Variants in SATB1 observed in about 807,000 individuals in gnomAD.
The protein encoded by SATB1 is DNA-binding protein SATB1.
A neutral mutation model predicts 86.9 loss-of-function variants in SATB1; 11 were observed. That is an observed-to-expected ratio of 0.13 (90% CI 0.08 to 0.21). SATB1 has a LOEUF of 0.21. Among genes scored for constraint, SATB1 ranks in the 10% least tolerant of loss-of-function variants. SATB1 has a pLI of 1.00. For missense variants in SATB1, 551 were observed against 937.6 expected (o/e 0.59, Z 5.39); for synonymous variants, 357 against 357.2 (o/e 1.00, Z 0.01).
upstream of SATB1, among the ~76,000 whole-genome samples, chr3:18,443,006 AC>A (rs1048081714): frequency 2.0e-5 from 3 of 152,228 alleles, no homozygotes; most frequent in Admixed American, 6.5e-5. This position sits in a 1 kb window ranked among gnomAD's most constrained non-coding sequence, Gnocchi z 4.4. Context: ...AAACACCTCA[AC>A]CTTGGTTTTC....
At chr3:18,385,457 C>A (rs945353692) in intron 8 of SATB1, among the ~76,000 whole-genome samples, 4 of 151,936 alleles carry the variant, frequency 2.6e-5, no homozygotes, top group African/African-American at 4.8e-5. Flanking sequence ...CCCGTCTCTA[C>A]TAAAAACACA....
upstream of SATB1, among the ~76,000 whole-genome samples, chr3:18,442,540 T>C (rs1040933556): frequency 2.6e-5 from 4 of 152,194 alleles, no homozygotes; most frequent in Admixed American, 2.6e-4. Context: ...ATAGAATACA[T>C]AGTTTGCTAC....
intron 5 of SATB1, among the ~76,000 whole-genome samples, chr3:18,406,095 C>T (rs1379857088): frequency 6.6e-6 from 1 of 151,950 alleles, no homozygotes; most frequent in Non-Finnish European, 1.5e-5. Context: ...GTTTTCCAGG[C>T]TGAGCTGGTG....
At chr3:18,425,824 G>GGGGCAGGACGGGCAGGAC (rs199730219), upstream of SATB1, among the ~76,000 whole-genome samples, 4 of 141,186 alleles carry the variant, frequency 2.8e-5, no homozygotes, top group South Asian at 2.3e-4. Flanking sequence ...GGAGGGAGGA[G>GGGGCAGGACGGGCAGGAC]GGGCAGGACG....
chr3:18,377,616 T>C (rs1695827227), intron 9 of SATB1, among the ~76,000 whole-genome samples: 1 of 152,152 alleles, frequency 6.6e-6, no homozygotes, highest in East Asian at 1.9e-4. Context: ...TTGCATACTC[T>C]ACAGAAAAAT....
rs1269583186 is a variant in SATB1 at position 18,352,203 on chromosome 3, A to G, written c.1576-8T>C. On this transcript the variant is annotated splice_polypyrimidine_tract_variant and splice_region_variant and intron_variant, in intron 9 of 10. Coordinates refer to ENST00000338745, the MANE Select transcript of SATB1 (RefSeq NM_002971.6). The surrounding 1 kb of genome is among the most constrained non-coding windows in gnomAD (Gnocchi z 4.1). Reference sequence around the variant, plus strand: ...CAGCTCGCACAACCATCCCTTAGAGACAAGGGCATAATAGGTCAGTTTGTG... The same window carrying G: ...CAGCTCGCACAACCATCCCTTAGAGGCAAGGGCATAATAGGTCAGTTTGTG... The G allele has an allele frequency of 1.2e-6, 2 of 1,613,690 alleles. No homozygotes were observed. Among genetic ancestry groups the G allele is most frequent in the South Asian group, 2.2e-5 (2 of 91,048 alleles).
At chr3:18,399,235 G>A (rs1480313878) in intron 5 of SATB1, among the ~76,000 whole-genome samples, 4 of 152,148 alleles carry the variant, frequency 2.6e-5, no homozygotes, top group Non-Finnish European at 5.9e-5. Flanking sequence ...TTCTATATAT[G>A]AAATTTGCTC....
chr3:18,379,635 G>T (rs977054057), intron 8 of SATB1, among the ~76,000 whole-genome samples: 2 of 152,064 alleles, frequency 1.3e-5, no homozygotes, highest in Non-Finnish European at 2.9e-5. Context: ...TCAATTCTCC[G>T]TACTTAAAGC....
intron 8 of SATB1, among the ~76,000 whole-genome samples, chr3:18,382,056 T>A (rs981568414): frequency 3.9e-5 from 6 of 152,202 alleles, no homozygotes; most frequent in Admixed American, 3.3e-4. Flanking sequence ...TTTTACCAAG[T>A]GTTAAGTTCC....
chr3:18,393,689 T>C (rs1696809218), intron 7 of SATB1, among the ~76,000 whole-genome samples: 1 of 152,220 alleles, frequency 6.6e-6, no homozygotes, highest in Non-Finnish European at 1.5e-5. Context: ...TGGCCTGTTT[T>C]ATAAATAGTT....
intron 5 of SATB1, among the ~76,000 whole-genome samples, chr3:18,414,190 A>C (rs2125155763): frequency 6.6e-6 from 1 of 152,242 alleles, no homozygotes; most frequent in Non-Finnish European, 1.5e-5. Flanking sequence ...CCAACATTTT[A>C]ATTATACTGT....
intron 9 of SATB1, among the ~76,000 whole-genome samples, chr3:18,374,212 G>A (rs1170637218): frequency 6.6e-6 from 1 of 152,112 alleles, no homozygotes; most frequent in Non-Finnish European, 1.5e-5. Flanking sequence ...GAGCTCTCGA[G>A]GGGTTTGCTG....
rs1694121288 is a variant in SATB1 at position 18,347,580 on chromosome 3, T to C, written c.*1590A>G. On this transcript the variant is annotated 3_prime_UTR_variant, in exon 11 of 11. Coordinates refer to ENST00000338745, the MANE Select transcript of SATB1 (RefSeq NM_002971.6). ...TATTAATGGCCTTTAGAAATATTTA[T>C]ACATTAGCTTAAGGAAAAGCATTGC... 1 of 152,186 alleles carries C rather than the reference T, an allele frequency of 6.6e-6. No homozygotes were observed. The highest frequency in any genetic ancestry group is 1.5e-5 in the Non-Finnish European group (1 of 68,028). The allele number at this position is 152,186 out of a possible 1,614,324, so 9.4% of individuals were successfully genotyped here. A position where few individuals can be genotyped will look rare whatever the true frequency, so the allele number is the denominator to read the frequency against.
chr3:18,415,870 G>C (rs1698084359), intron 4 of SATB1, 137 bp downstream of exon 4: 1 of 635,568 alleles, frequency 1.6e-6, no homozygotes, highest in South Asian at 4.2e-5. Flanking sequence ...AGAAGGATAG[G>C]GTAACAAAAT....
chr3:18,370,377 A>ATG (rs1695407541), intron 9 of SATB1, among the ~76,000 whole-genome samples: 2 of 152,074 alleles, frequency 1.3e-5, no homozygotes, highest in African/African-American at 4.8e-5. Context: ...CCTCTGTTAA[A>ATG]TCAGACTGCT....
chr3:18,385,966 T>C (rs925209944), intron 8 of SATB1, among the ~76,000 whole-genome samples: 3 of 152,162 alleles, frequency 2.0e-5, no homozygotes, highest in Admixed American at 6.5e-5. Context: ...TGGTGTGTAA[T>C]TGGTACCAGC....
At chr3:18,373,973 C>T (rs1033175413) in intron 9 of SATB1, among the ~76,000 whole-genome samples, 1 of 152,156 alleles carries the variant, frequency 6.6e-6, no homozygotes, top group Non-Finnish European at 1.5e-5. Flanking sequence ...CAGCTAGTTG[C>T]TTTATCCAAA....
rs532240308 is a variant in SATB1 at position 18,377,990 on chromosome 3, A to G, written c.1575+180T>C. Among the ~76,000 whole-genome samples the G allele has an allele frequency of 4.6e-3, 706 of 152,268 alleles. 6 individuals carry two copies. The highest frequency in any genetic ancestry group is 0.015 in the African/African-American group (632 of 41,558). On this transcript the variant is annotated intron_variant, in intron 9 of 10. Coordinates refer to ENST00000338745, the MANE Select transcript of SATB1 (RefSeq NM_002971.6). ...GTCTGAGGAGTGGCTATTGGAAAAA[A>G]CAAAACTAAGTGCCTATAACCTGAA...
rs937317506 is a variant in SATB1, at chr3:18,347,547, T to TTTG, written c.*1620_*1622dup. On this transcript the variant is annotated 3_prime_UTR_variant, in exon 11 of 11. Transcript: ENST00000338745. Reference sequence around the variant, plus strand: ...AAGGTCCATTTTTTCCCCTACTTATTTTGTTACTATTAATGGCCTTTAGAA... The same window carrying TTTG: ...AAGGTCCATTTTTTCCCCTACTTATTTTGTTGTTACTATTAATGGCCTTTAGAA... The TTTG allele has an allele frequency of 3.9e-5, 6 of 152,122 alleles. No individual in the cohort carries two copies. Among genetic ancestry groups the TTTG allele is most frequent in the Admixed American group, 1.3e-4 (2 of 15,272 alleles). 9.4% of individuals were successfully genotyped at this position (152,122 alleles called of 1,614,324 possible).
Sources: allele counts gnomAD v4.1 joint callset (sites outside exome capture counted in the v4.1 genomes callset), GRCh38; gene constraint gnomAD v4.1.1; non-coding constraint Gnocchi (gnomAD v3.1); transcripts MANE v1.5; gene names NCBI Gene and HGNC (gene_info 2026-07-23, HGNC 2026-07-21).